SPRED1: variants seen among roughly 807,000 people sequenced by gnomAD.
SPRED1 encodes the protein sprouty-related, EVH1 domain-containing protein 1.
SPRED1 carries 18 observed loss-of-function variants against 52.3 expected under a neutral mutation model. That is an observed-to-expected ratio of 0.34 (90% CI 0.24 to 0.51). SPRED1 has a LOEUF of 0.51. SPRED1 is among the 20% of genes least tolerant of loss of function. The pLI, the probability that SPRED1 is intolerant of heterozygous loss-of-function variation, is 0.97. For missense variants in SPRED1, 485 were observed against 551.0 expected (o/e 0.88, Z 1.20); for synonymous variants, 155 against 179.7 (o/e 0.86, Z 1.10).
At chr15:38,303,054 C>T (rs1480232447) in intron 2 of SPRED1, among the ~76,000 whole-genome samples, 2 of 151,994 alleles carry the variant, frequency 1.3e-5, no homozygotes, top group Non-Finnish European at 2.9e-5. Context: ...CGTGGTGGCA[C>T]GTGCCTGTAG....
At chr15:38,305,056 C>T (rs1446270068) in intron 2 of SPRED1, among the ~76,000 whole-genome samples, 1 of 152,078 alleles carries the variant, frequency 6.6e-6, no homozygotes, top group Non-Finnish European at 1.5e-5. Flanking sequence ...AGGCCAAGCA[C>T]GGTGGCTCAC....
At chr15:38,282,856 G>A (rs1464472198) in intron 1 of SPRED1, among the ~76,000 whole-genome samples, 2 of 151,596 alleles carry the variant, frequency 1.3e-5, no homozygotes, top group South Asian at 2.1e-4. Flanking sequence ...TAAGTCCCTC[G>A]CTGTCATGCG....
At chr15:38,299,126 T>C (rs1409522068) in intron 1 of SPRED1, among the ~76,000 whole-genome samples, 1 of 152,192 alleles carries the variant, frequency 6.6e-6, no homozygotes, top group African/African-American at 2.4e-5. Flanking sequence ...AAATGATGAA[T>C]TGAGGTAGTA....
At chr15:38,263,729 C>G (rs1894249052) in intron 1 of SPRED1, among the ~76,000 whole-genome samples, 1 of 152,132 alleles carries the variant, frequency 6.6e-6, no homozygotes, top group Non-Finnish European at 1.5e-5. Flanking sequence ...GGTGTCCAAT[C>G]TTTTGGCTTC....
At chr15:38,312,385 A>T (rs1895387099) in intron 2 of SPRED1, among the ~76,000 whole-genome samples, 1 of 152,154 alleles carries the variant, frequency 6.6e-6, no homozygotes, top group Non-Finnish European at 1.5e-5. Context: ...CCCAAGAAAA[A>T]GCTGAGTCAG....
chr15:38,299,280 C>T, intron 1 of SPRED1, 93 bp from the exon 2 acceptor site: 1 of 1,321,476 alleles, frequency 7.6e-7, no homozygotes, highest in Non-Finnish European at 1.1e-6. Flanking sequence ...CACATGTTAA[C>T]TAATGTGTTC....
intron 1 of SPRED1, among the ~76,000 whole-genome samples, chr15:38,293,099 C>CTTTTTTTTTTTT (rs66511254): frequency 0.088 from 7,985 of 90,642 alleles, 2,033 homozygotes; most frequent in East Asian, 0.15. Context: ...AAGATTACAA[C>CTTTTTTTTTTTT]TTTTTTTTTT....
At chr15:38,324,184 C>T (rs79423574) in intron 3 of SPRED1, among the ~76,000 whole-genome samples, 1 of 152,232 alleles carries the variant, frequency 6.6e-6, no homozygotes, top group African/African-American at 2.4e-5. Context: ...ACTAAGAGTA[C>T]TTTGCTAGGA....
intron 1 of SPRED1, among the ~76,000 whole-genome samples, chr15:38,283,079 G>A (rs1644823281): frequency 6.6e-6 from 1 of 152,108 alleles, no homozygotes; most frequent in African/African-American, 2.4e-5. Context: ...TAAAAGAAAG[G>A]GATTTAGTGA....
chr15:38,333,307 T>C (rs916771907), intron 4 of SPRED1, among the ~76,000 whole-genome samples: 2 of 152,130 alleles, frequency 1.3e-5, no homozygotes, highest in African/African-American at 4.8e-5. Flanking sequence ...TTGAAGCATG[T>C]CATTGTTGGG....
At chr15:38,265,631 T>A (rs1038387200) in intron 1 of SPRED1, among the ~76,000 whole-genome samples, 7 of 152,062 alleles carry the variant, frequency 4.6e-5, no homozygotes, top group African/African-American at 9.7e-5. Context: ...GTTTTTTTTT[T>A]AATTTTTAAT....
chr15:38,296,056 C>CT (rs781605971), intron 1 of SPRED1, among the ~76,000 whole-genome samples: 1 of 152,098 alleles, frequency 6.6e-6, no homozygotes, highest in South Asian at 2.1e-4. Context: ...CTATCAAACA[C>CT]TTTAAGTGTT....
Position 38,355,388 on chromosome 15 carries a change from T to A in SPRED1, c.*3724T>A, listed in dbSNP as rs1299363647. The A allele has an allele frequency of 1.3e-5, 2 of 152,360 alleles. No homozygotes were observed. Among genetic ancestry groups the A allele is most frequent in the Admixed American group, 1.3e-4 (2 of 15,310 alleles). The allele number at this position is 152,360 out of a possible 1,614,324, so 9.4% of individuals were successfully genotyped here. On this transcript the variant is annotated 3_prime_UTR_variant, in exon 7 of 7. Transcript: ENST00000299084. Reference sequence around the variant, plus strand: ...GAAGTAATGTAAATGCACTTTCAATTCATGTGTATAGTGCCATCTGATATC... The same window carrying A: ...GAAGTAATGTAAATGCACTTTCAATACATGTGTATAGTGCCATCTGATATC...
intron 1 of SPRED1, among the ~76,000 whole-genome samples, chr15:38,293,756 CT>C (rs947321189): frequency 1.2e-4 from 19 of 152,072 alleles, no homozygotes; most frequent in Admixed American, 7.2e-4. Flanking sequence ...CTACTATTTT[CT>C]TTCTTTCTCT....
chr15:38,325,077 A>T (rs914174144), intron 4 of SPRED1, among the ~76,000 whole-genome samples: 6 of 151,818 alleles, frequency 4.0e-5, no homozygotes, highest in Admixed American at 2.0e-4. Flanking sequence ...GGCTGAAGCA[A>T]CCCACCCACC....
chr15:38,310,596 G>C (rs918986008), intron 2 of SPRED1, among the ~76,000 whole-genome samples: 33 of 152,248 alleles, frequency 2.2e-4, no homozygotes, highest in African/African-American at 7.9e-4. Flanking sequence ...CTGTGTCTCT[G>C]TTTAGGTCTT....
chr15:38,321,211 G>A (rs1378800370), intron 2 of SPRED1, among the ~76,000 whole-genome samples: 3 of 152,156 alleles, frequency 2.0e-5, no homozygotes, highest in African/African-American at 2.4e-5. Context: ...ATGGATATAT[G>A]TGGAGAGAAT....
At chr15:38,296,619 A>G (rs1227335322) in intron 1 of SPRED1, among the ~76,000 whole-genome samples, 1 of 152,162 alleles carries the variant, frequency 6.6e-6, no homozygotes, top group Non-Finnish European at 1.5e-5. Context: ...GGAACACTTT[A>G]CTTGTTTTGT....
intron 4 of SPRED1, among the ~76,000 whole-genome samples, chr15:38,326,887 T>G (rs528001561): frequency 6.6e-6 from 1 of 152,268 alleles, no homozygotes; most frequent in South Asian, 2.1e-4. Context: ...TATGAAAAAT[T>G]ATTCCCAGGT....
Sources: allele counts gnomAD v4.1 joint callset (sites outside exome capture counted in the v4.1 genomes callset), GRCh38; gene constraint gnomAD v4.1.1; transcripts MANE v1.5; gene names NCBI Gene and HGNC (gene_info 2026-07-23, HGNC 2026-07-21).